The following GRIA3 variants were observed in gnomAD, a reference collection of about 807,000 sequenced individuals.
GRIA3 encodes the protein glutamate receptor 3.
In GRIA3, 3 loss-of-function variants were observed where a neutral mutation model predicts 63.0. That is an observed-to-expected ratio of 0.05 (90% CI 0.02 to 0.12). The LOEUF is 0.12. Among genes scored for constraint, GRIA3 ranks in the 10% least tolerant of loss-of-function variants. The pLI, the probability that GRIA3 is intolerant of heterozygous loss-of-function variation, is 1.00. For missense variants in GRIA3, 347 were observed against 700.9 expected (o/e 0.50, Z 5.70); for synonymous variants, 274 against 257.9 (o/e 1.06, Z -0.60).
intron 5 of GRIA3, among the ~76,000 whole-genome samples, chrX:123,393,556 TA>T (rs1425436071): frequency 8.9e-6 from 1 of 112,259 alleles, no homozygotes; most frequent in Non-Finnish European, 1.9e-5. Flanking sequence ...AAAAGAACTG[TA>T]AACAAACACT....
intron 3 of GRIA3, among the ~76,000 whole-genome samples, chrX:123,297,923 T>C (rs113722973): frequency 0.033 from 3,622 of 110,293 alleles, 84 homozygotes; most frequent in Non-Finnish European, 0.054. Context: ...CCCCTCTATG[T>C]GCCTGTGTGT....
At chrX:123,306,204 A>G (rs745798318) in intron 3 of GRIA3, among the ~76,000 whole-genome samples, 9 of 111,808 alleles carry the variant, frequency 8.0e-5, no homozygotes, top group African/African-American at 2.6e-4. Context: ...TTGATCTTTA[A>G]TATTATACAG....
At chrX:123,271,376 C>T (rs1469910370) in intron 3 of GRIA3, among the ~76,000 whole-genome samples, 1 of 111,740 alleles carries the variant, frequency 8.9e-6, no homozygotes, top group Non-Finnish European at 1.9e-5. Context: ...GAGGGCAGTG[C>T]AGGTATATTG....
intron 8 of GRIA3, 141 bp downstream of exon 8, chrX:123,403,239 C>T: frequency 1.7e-6 from 1 of 585,607 alleles, no homozygotes; most frequent in Non-Finnish European, 3.0e-6. Flanking sequence ...GAAGGAATAG[C>T]ACACCTATGT....
chrX:123,391,222 C>T (rs57116547), intron 5 of GRIA3, among the ~76,000 whole-genome samples: 4,549 of 110,881 alleles, frequency 0.041, 186 homozygotes, highest in African/African-American at 0.13. Flanking sequence ...CTTTTTCGTA[C>T]TTTTTGTGTC....
chrX:123,379,041 G>A (rs1207726674), intron 5 of GRIA3, among the ~76,000 whole-genome samples: 1 of 110,840 alleles, frequency 9.0e-6, no homozygotes, highest in African/African-American at 3.3e-5. Flanking sequence ...CCACCTCAAG[G>A]TCTCTGTGTA....
chrX:123,304,263 A>G (rs1016977941), intron 3 of GRIA3, among the ~76,000 whole-genome samples: 3 of 111,694 alleles, frequency 2.7e-5, no homozygotes, highest in Non-Finnish European at 5.7e-5. Context: ...TAAGCATTCA[A>G]TTCTACATAT....
intron 15 of GRIA3, among the ~76,000 whole-genome samples, chrX:123,485,859 AC>A (rs1361960786): frequency 9.0e-6 from 1 of 111,017 alleles, no homozygotes; most frequent in Non-Finnish European, 1.9e-5. Flanking sequence ...TCATGTGGGA[AC>A]CTTCTAAAAA....
chrX:123,253,656 G>A (rs2044403252), intron 3 of GRIA3, 114 bp downstream of exon 3: 2 of 605,903 alleles, frequency 3.3e-6, no homozygotes, highest in East Asian at 3.5e-5. Context: ...TTTTAAAATT[G>A]TATTTAATAT....
chrX:123,368,424 G>A (rs2045226988), intron 5 of GRIA3, among the ~76,000 whole-genome samples: 1 of 110,785 alleles, frequency 9.0e-6, no homozygotes, highest in Admixed American at 9.6e-5. Context: ...TTACCTCTCG[G>A]GTCTGGGTAT....
intron 4 of GRIA3, among the ~76,000 whole-genome samples, chrX:123,328,642 T>G (rs945092832): frequency 2.7e-5 from 3 of 112,046 alleles, no homozygotes; most frequent in African/African-American, 9.7e-5. Flanking sequence ...ATCTCCAGTG[T>G]CCAACAGAGT....
At chrX:123,189,056 C>T (rs1195289934) in intron 2 of GRIA3, among the ~76,000 whole-genome samples, 1 of 111,838 alleles carries the variant, frequency 8.9e-6, no homozygotes. Flanking sequence ...CCATGTCCTA[C>T]GAGGCCAATA....
intron 3 of GRIA3, among the ~76,000 whole-genome samples, chrX:123,280,384 A>G (rs1226988449): frequency 8.9e-6 from 1 of 112,386 alleles, no homozygotes; most frequent in African/African-American, 3.2e-5. Context: ...GGGTCTGGCT[A>G]TCAAACTGGT....
intron 5 of GRIA3, among the ~76,000 whole-genome samples, chrX:123,378,319 C>G (rs894601536): frequency 1.8e-5 from 2 of 111,621 alleles, no homozygotes; most frequent in African/African-American, 6.5e-5. Context: ...CCTCTATTTT[C>G]CCCTTTATCG....
chrX:123,460,337 C>A (rs1465315596), intron 12 of GRIA3, among the ~76,000 whole-genome samples: 1 of 111,635 alleles, frequency 9.0e-6, no homozygotes, highest in Non-Finnish European at 1.9e-5. Context: ...CCTGGACCCC[C>A]ACTTTGTATT....
rs1204896270 is a variant in GRIA3 at position 123,283,870 on chromosome X, A to C, written c.508+30328A>C. ...CTGCTGGCTCTGAAGAGAGCAGCAG[A>C]TCTCCCAGCACAGTGCTGAAGCTCT... On this transcript the variant is annotated intron_variant, in intron 3 of 15. Coordinates refer to ENST00000620443, the MANE Select transcript of GRIA3 (RefSeq NM_007325.5). 2.7e-5 allele frequency among the ~76,000 whole-genome samples: 3 copies of C among 112,857 alleles called. No homozygotes were observed. In the East Asian group the frequency reaches 8.4e-4, roughly 32 times the overall value.
Position 123,408,302 on chromosome X carries a change from G to C in GRIA3, c.1500+3388G>C, listed in dbSNP as rs779368543. Among the ~76,000 whole-genome samples the C allele has an allele frequency of 7.2e-5, 8 of 111,375 alleles. No individual in the cohort carries two copies. The South Asian group carries it at 3.1e-3, about 43-fold the overall frequency. On this transcript the variant is annotated intron_variant, in intron 10 of 15. Transcript: ENST00000620443. ...TTTCTACTAGCCCAGGTTATCCGAT[G>C]TGAGCTATACCATGAACTCTACCAC...
Position 123,332,946 on chromosome X carries a change from T to C in GRIA3, c.696+6733T>C, listed in dbSNP as rs148315791. ...GTTGTAAGCAGAGAGTTAAACAGTCTTCCGCCACTAAATAGTAGTGGCTCT... is the reference window on the plus strand; with the variant it reads ...GTTGTAAGCAGAGAGTTAAACAGTCCTCCGCCACTAAATAGTAGTGGCTCT... On this transcript the variant is annotated intron_variant, in intron 4 of 15. Transcript: ENST00000620443. Among the ~76,000 whole-genome samples, 641 of 111,263 alleles carry C rather than the reference T, an allele frequency of 5.8e-3. 4 individuals are homozygous for C. Among genetic ancestry groups the C allele is most frequent in the African/African-American group, 0.02 (606 of 30,670 alleles).
chrX:123,300,860 T>C (rs758469612), intron 3 of GRIA3, among the ~76,000 whole-genome samples: 4 of 111,251 alleles, frequency 3.6e-5, no homozygotes, highest in African/African-American at 9.8e-5. Context: ...GATTCTGATA[T>C]GTTGTATCTT....
Sources: gnomAD v4.1 joint callset for allele counts (sites outside exome capture counted in the v4.1 genomes callset) on GRCh38, gnomAD v4.1.1 for gene constraint, MANE v1.5 for transcripts, NCBI Gene and HGNC (gene_info 2026-07-23, HGNC 2026-07-21) for gene names.